SNTG2: variants seen among roughly 807,000 people sequenced by gnomAD.
SNTG2 encodes the protein gamma-2-syntrophin.
In SNTG2, 74 loss-of-function variants were observed where a neutral mutation model predicts 70.9. That is an observed-to-expected ratio of 1.04 (90% CI 0.86 to 1.27). The LOEUF (loss-of-function observed/expected upper bound fraction) is 1.27. Among genes scored for constraint, SNTG2 ranks in the 50% most tolerant of loss-of-function variants. The probability of loss-of-function intolerance (pLI) is 0.00; values close to 1 mark genes in which losing one functional copy is unlikely to be tolerated. For missense variants in SNTG2, 717 were observed against 690.7 expected, an observed-to-expected ratio of 1.04 and a Z score of -0.43; for synonymous variants, 278 against 273.8, an observed-to-expected ratio of 1.02 and a Z score of -0.15.
At chr2:1,145,405 A>G (rs28841270) in intron 6 of SNTG2, among the ~76,000 whole-genome samples, 55,816 of 151,960 alleles carry the variant, frequency 0.37, 11,078 homozygotes, top group East Asian at 0.83. Context: ...GGATATTACT[A>G]TAGATCCTAT....
At chr2:1,056,077 A>T (rs1426164106) in intron 1 of SNTG2, among the ~76,000 whole-genome samples, 17 of 150,962 alleles carry the variant, frequency 1.1e-4, no homozygotes. Flanking sequence ...GGCAGCTGGG[A>T]CCCAGGCGGC....
At chr2:973,245 C>T (rs185562755) in intron 1 of SNTG2, among the ~76,000 whole-genome samples, 41 of 152,266 alleles carry the variant, frequency 2.7e-4, no homozygotes, top group Admixed American at 2.5e-3. Context: ...GATCTGTTGC[C>T]AGTGAATTCT....
At chr2:998,107 T>C (rs1661752432) in intron 1 of SNTG2, among the ~76,000 whole-genome samples, 1 of 152,124 alleles carries the variant, frequency 6.6e-6, no homozygotes, top group Non-Finnish European at 1.5e-5. Flanking sequence ...AAAAGCCAGA[T>C]GACTCTACAC....
chr2:1,234,912 C>T (rs545512507), intron 9 of SNTG2, among the ~76,000 whole-genome samples: 1 of 152,360 alleles, frequency 6.6e-6, no homozygotes, highest in South Asian at 2.1e-4. Context: ...ACTGACCCTG[C>T]TGAGAGCACC....
At chr2:1,079,461 T>C (rs573083692) in intron 1 of SNTG2, among the ~76,000 whole-genome samples, 1 of 141,884 alleles carries the variant, frequency 7.0e-6, no homozygotes, top group African/African-American at 2.7e-5. Context: ...TTCCTGACTT[T>C]AGTTTTTTAA....
At chr2:1,163,758 G>A (rs1670503516) in intron 6 of SNTG2, 1 of 152,332 alleles carries the variant, frequency 6.6e-6, no homozygotes, top group African/African-American at 2.4e-5. Flanking sequence ...ATGAGGTCAA[G>A]ATCTATGTGA....
At chr2:1,233,282 G>A (rs1158907018) in intron 9 of SNTG2, among the ~76,000 whole-genome samples, 1 of 152,164 alleles carries the variant, frequency 6.6e-6, no homozygotes, top group Non-Finnish European at 1.5e-5. Context: ...CATTGGTAGC[G>A]GATGTAGCAG....
intron 6 of SNTG2, among the ~76,000 whole-genome samples, chr2:1,149,047 T>A (rs1218466807): frequency 6.6e-6 from 1 of 152,108 alleles, no homozygotes; most frequent in Non-Finnish European, 1.5e-5. Flanking sequence ...ACAAAATTAT[T>A]CCCTGGAAGG....
chr2:1,273,749 T>C (rs529360203), intron 14 of SNTG2, among the ~76,000 whole-genome samples: 3 of 151,954 alleles, frequency 2.0e-5, no homozygotes, highest in Middle Eastern at 3.4e-3. Flanking sequence ...CCTCTGGTTA[T>C]GCAAATATTT....
chr2:1,136,295 CTG>C, intron 4 of SNTG2, among the ~76,000 whole-genome samples: 1 of 151,490 alleles, frequency 6.6e-6, no homozygotes, highest in Non-Finnish European at 1.5e-5. Flanking sequence ...ATGCGAAGAA[CTG>C]AGAGACAGAG....
intron 14 of SNTG2, among the ~76,000 whole-genome samples, chr2:1,304,595 G>A (rs1680594695): frequency 6.6e-6 from 1 of 151,998 alleles, no homozygotes; most frequent in Non-Finnish European, 1.5e-5. Flanking sequence ...GCATGGTGGG[G>A]GACGCCTGTA....
chr2:1,177,767 A>G (rs1272353678), intron 8 of SNTG2, among the ~76,000 whole-genome samples: 1 of 152,154 alleles, frequency 6.6e-6, no homozygotes, highest in African/African-American at 2.4e-5. Context: ...AACTAAGCAT[A>G]CCCACATAGC....
At chr2:1,334,719 C>T (rs961572533) in intron 16 of SNTG2, among the ~76,000 whole-genome samples, 2 of 152,060 alleles carry the variant, frequency 1.3e-5, no homozygotes, top group African/African-American at 4.8e-5. Flanking sequence ...CGTTCTCATT[C>T]ATAAATGGGA....
At chr2:1,317,453 A>G (rs1483135281) in intron 16 of SNTG2, among the ~76,000 whole-genome samples, 1 of 110,124 alleles carries the variant, frequency 9.1e-6, no homozygotes, top group Non-Finnish European at 2.0e-5. Flanking sequence ...GCATGAGGCC[A>G]GCATTGGAGA....
intron 16 of SNTG2, 137 bp from the exon 17 acceptor site, chr2:1,367,206 C>T (rs779517863): frequency 3.3e-5 from 26 of 790,518 alleles, no homozygotes; most frequent in Middle Eastern, 3.7e-4. Flanking sequence ...TACTTTAAAC[C>T]ATACATATTT....
rs979748491 is a variant in SNTG2 at position 1,142,298 on chromosome 2, A to G, written c.411+4489A>G. Among the ~76,000 whole-genome samples the G allele has an allele frequency of 6.6e-5, 10 of 152,308 alleles. No individual in the cohort carries two copies. The East Asian group carries it at 1.9e-3, about 29-fold the overall frequency. The stretch of plus-strand genomic sequence containing the variant: ...TGCAGGTCAAACCATCAGCCCTGCC[A>G]CCCATGAAGGGAACCAACGCACCTG... On this transcript the variant is annotated intron_variant, in intron 6 of 16. Transcript: ENST00000308624.
chr2:1,238,259 T>C (rs1676815901), intron 10 of SNTG2, among the ~76,000 whole-genome samples: 1 of 152,010 alleles, frequency 6.6e-6, no homozygotes, highest in Non-Finnish European at 1.5e-5. Flanking sequence ...CCTCCTCCCC[T>C]CTGTCTGCCT....
intron 9 of SNTG2, among the ~76,000 whole-genome samples, chr2:1,235,057 C>T (rs928823444): frequency 1.3e-5 from 2 of 152,242 alleles, no homozygotes; most frequent in African/African-American, 4.8e-5. Context: ...GTCCTTCACA[C>T]GCCCTCACGC....
rs141811004 is a variant in SNTG2, at chr2:1,299,177, C to T, written c.1285-9317C>T. Among the ~76,000 whole-genome samples, 664 of 152,364 alleles carry T rather than the reference C, an allele frequency of 4.4e-3. 7 individuals carry two copies. The highest frequency in any genetic ancestry group is 0.015 in the African/African-American group (622 of 41,584). The stretch of plus-strand genomic sequence containing the variant: ...CAACAGTCAGAGGCAGGAACATGCC[C>T]TGCACTGCTGCTTTCCGGGCCGTGG... On this transcript the variant is annotated intron_variant, in intron 14 of 16. Transcript: ENST00000308624.
Sources: allele counts gnomAD v4.1 joint callset (sites outside exome capture counted in the v4.1 genomes callset), GRCh38; gene constraint gnomAD v4.1.1; transcripts MANE v1.5; gene names NCBI Gene and HGNC (gene_info 2026-07-23, HGNC 2026-07-21).